SORCS2: variants seen among roughly 807,000 people sequenced by gnomAD.
SORCS2 encodes the protein sortilin related VPS10 domain containing receptor 2.
Under a neutral mutation model 141.6 loss-of-function variants are expected in SORCS2, and 100 were observed. The observed-to-expected ratio is 0.71, with a 90% CI of 0.60 to 0.83. The LOEUF (loss-of-function observed/expected upper bound fraction) is 0.83. SORCS2 is among the 40% of genes least tolerant of loss of function. The pLI is 0.00. For missense variants in SORCS2, 1,646 were observed against 1,560.2 expected, an observed-to-expected ratio of 1.05 and a Z score of -0.93; for synonymous variants, 789 against 676.9, an observed-to-expected ratio of 1.17 and a Z score of -2.57.
intron 7 of SORCS2, among the ~76,000 whole-genome samples, chr4:7,666,665 G>A (rs1406226737): frequency 6.6e-6 from 1 of 152,128 alleles, no homozygotes; most frequent in African/African-American, 2.4e-5. Context: ...TTCTGTCTCT[G>A]GGAACAGATG....
At chr4:7,292,323 T>C (rs529366485) in intron 1 of SORCS2, among the ~76,000 whole-genome samples, 1 of 151,198 alleles carries the variant, frequency 6.6e-6, no homozygotes, top group East Asian at 1.9e-4. Flanking sequence ...CTCCCCACCA[T>C]TCGCAGTCTG....
rs146937871 is a variant in SORCS2 at position 7,293,471 on chromosome 4, A to G, written c.480+100345A>G. On this transcript the variant is annotated intron_variant, in intron 1 of 26. Coordinates refer to ENST00000507866, the MANE Select transcript of SORCS2 (RefSeq NM_020777.3). ...ATCTCCATGGAGTGGATACCCCAGAATGTCTCCAATGATCCCTCTGCTGTT... is the reference window on the plus strand; with the variant it reads ...ATCTCCATGGAGTGGATACCCCAGAGTGTCTCCAATGATCCCTCTGCTGTT... 9.9e-5 allele frequency among the ~76,000 whole-genome samples: 15 copies of G among 152,250 alleles called. No individual in the cohort carries two copies. The East Asian group carries it at 2.9e-3, about 29-fold the overall frequency.
At chr4:7,729,541 G>A (rs181424629) in intron 22 of SORCS2, 46 bp from the exon 23 acceptor site, 58 of 1,551,168 alleles carry the variant, frequency 3.7e-5, no homozygotes, top group Non-Finnish European at 4.6e-5. Flanking sequence ...ATGAGGCAGG[G>A]AATGAGGAAG....
At chr4:7,410,494 A>G (rs1448422546) in intron 2 of SORCS2, among the ~76,000 whole-genome samples, 2 of 152,196 alleles carry the variant, frequency 1.3e-5, no homozygotes, top group Non-Finnish European at 2.9e-5. Context: ...CTAAACATTC[A>G]GACCTCATTG....
intron 1 of SORCS2, among the ~76,000 whole-genome samples, chr4:7,194,028 C>T (rs1284820736): frequency 6.6e-6 from 1 of 152,122 alleles, no homozygotes; most frequent in Non-Finnish European, 1.5e-5. Flanking sequence ...CCCACCCCCA[C>T]AAAAGGGCCA....
At chr4:7,453,539 G>T in intron 2 of SORCS2, among the ~76,000 whole-genome samples, 1 of 145,310 alleles carries the variant, frequency 6.9e-6, no homozygotes, top group African/African-American at 2.6e-5. Flanking sequence ...GCACTGTGTT[G>T]GGGTCAGGTG....
intron 3 of SORCS2, among the ~76,000 whole-genome samples, chr4:7,532,087 A>G (rs1298732554): frequency 6.6e-6 from 1 of 152,106 alleles, no homozygotes. Context: ...GTCTGGGGGA[A>G]CTTCCTGACT....
At chr4:7,516,302 G>C (rs1472664235) in intron 2 of SORCS2, among the ~76,000 whole-genome samples, 1 of 152,080 alleles carries the variant, frequency 6.6e-6, no homozygotes, top group Non-Finnish European at 1.5e-5. Flanking sequence ...GGGGAGGGAC[G>C]GCAGGCCTCT....
At chr4:7,195,442 A>G (rs998702979) in intron 1 of SORCS2, among the ~76,000 whole-genome samples, 3 of 152,124 alleles carry the variant, frequency 2.0e-5, no homozygotes, top group Non-Finnish European at 4.4e-5. Context: ...ATGCTGGACC[A>G]GGCATTGGGC....
At chr4:7,665,417 C>T (rs956325985) in intron 7 of SORCS2, among the ~76,000 whole-genome samples, 1 of 152,224 alleles carries the variant, frequency 6.6e-6, no homozygotes, top group East Asian at 1.9e-4. Flanking sequence ...AGCCCCAGCC[C>T]CTGGCTTTTG....
intron 3 of SORCS2, among the ~76,000 whole-genome samples, chr4:7,558,468 C>A (rs1300507010): frequency 1.3e-5 from 2 of 152,176 alleles, no homozygotes; most frequent in Non-Finnish European, 2.9e-5. Context: ...GATGATCCTG[C>A]CCCAGGCAAT....
intron 3 of SORCS2, among the ~76,000 whole-genome samples, chr4:7,577,176 G>A (rs901399593): frequency 2.6e-5 from 4 of 152,182 alleles, no homozygotes; most frequent in Non-Finnish European, 5.9e-5. Flanking sequence ...ATAAGGGAGT[G>A]TGAGGTTTGT....
At chr4:7,329,985 C>G (rs1719544160) in intron 1 of SORCS2, among the ~76,000 whole-genome samples, 1 of 152,108 alleles carries the variant, frequency 6.6e-6, no homozygotes, top group African/African-American at 2.4e-5. Context: ...TCTTAAGGGA[C>G]TAAGCTCAAG....
At chr4:7,555,757 A>C (rs918976311) in intron 3 of SORCS2, among the ~76,000 whole-genome samples, 1 of 152,216 alleles carries the variant, frequency 6.6e-6, no homozygotes, top group African/African-American at 2.4e-5. Flanking sequence ...TTTTCCCTGC[A>C]AAAGTGGCAT....
At chr4:7,523,496 AG>A (rs1733471078) in intron 2 of SORCS2, among the ~76,000 whole-genome samples, 1 of 151,952 alleles carries the variant, frequency 6.6e-6, no homozygotes, top group Non-Finnish European at 1.5e-5. Flanking sequence ...GGGCTTCAGG[AG>A]GGGGTAGTAC....
At chr4:7,475,651 G>T (rs576256486) in intron 2 of SORCS2, among the ~76,000 whole-genome samples, 2 of 152,254 alleles carry the variant, frequency 1.3e-5, no homozygotes, top group East Asian at 3.9e-4. Flanking sequence ...ACTCGTGACT[G>T]TGTGTGCACC....
chr4:7,362,618 G>A (rs565453460), intron 1 of SORCS2, among the ~76,000 whole-genome samples: 1 of 152,060 alleles, frequency 6.6e-6, no homozygotes, highest in Non-Finnish European at 1.5e-5. Context: ...TGCGGTTCCA[G>A]GGGGAACCTG....
intron 1 of SORCS2, among the ~76,000 whole-genome samples, chr4:7,316,404 T>C (rs35650809): frequency 0.6 from 90,222 of 151,392 alleles, 26,911 homozygotes; most frequent in South Asian, 0.72. Context: ...TGAACTTCCA[T>C]TGACAATCTT....
chr4:7,311,935 GCA>G (rs2108923585), intron 1 of SORCS2, among the ~76,000 whole-genome samples: 1 of 152,090 alleles, frequency 6.6e-6, no homozygotes, highest in African/African-American at 2.4e-5. Flanking sequence ...GAGTGGAGTG[GCA>G]CAATCTCAGC....
Sources: allele counts gnomAD v4.1 joint callset (sites outside exome capture counted in the v4.1 genomes callset), GRCh38; gene constraint gnomAD v4.1.1; transcripts MANE v1.5; gene names NCBI Gene and HGNC (gene_info 2026-07-23, HGNC 2026-07-21).